The following GARNL3 variants were observed in gnomAD, a reference collection of about 807,000 sequenced individuals.
The protein encoded by GARNL3 is GTPase activating Rap/RanGAP domain like 3.
Under a neutral mutation model 125.0 loss-of-function variants are expected in GARNL3, and 63 were observed. The ratio of observed to expected loss-of-function variants is 0.50; its 90% CI spans 0.41 to 0.62. GARNL3 has a LOEUF of 0.62. GARNL3 is among the 20% of genes least tolerant of loss of function. The probability of loss-of-function intolerance (pLI) is 0.00; values close to 1 mark genes in which losing one functional copy is unlikely to be tolerated. For synonymous variants in GARNL3, 439 were observed against 457.5 expected (o/e 0.96, Z 0.52); for missense variants, 994 against 1,244.0 (o/e 0.80, Z 3.02).
intron 5 of GARNL3, among the ~76,000 whole-genome samples, chr9:127,318,915 G>A (rs2065315904): frequency 6.6e-6 from 1 of 152,156 alleles, no homozygotes; most frequent in African/African-American, 2.4e-5. Flanking sequence ...AGAAGTGAAG[G>A]GATCTGACAA....
At chr9:127,284,663 A>G (rs1240951034) in intron 1 of GARNL3, among the ~76,000 whole-genome samples, 1 of 151,986 alleles carries the variant, frequency 6.6e-6, no homozygotes, top group Non-Finnish European at 1.5e-5. Flanking sequence ...CTATCACATT[A>G]TGTGTTTTCA....
intron 22 of GARNL3, among the ~76,000 whole-genome samples, chr9:127,368,272 A>G (rs1366422542): frequency 6.6e-6 from 1 of 151,260 alleles, no homozygotes; most frequent in Non-Finnish European, 1.5e-5. Context: ...AGAGGACAGC[A>G]GTGGGACCAG....
At chr9:127,350,835 AAAC>A (rs1457557210) in intron 17 of GARNL3, among the ~76,000 whole-genome samples, 2 of 152,120 alleles carry the variant, frequency 1.3e-5, no homozygotes, top group African/African-American at 2.4e-5. Flanking sequence ...CAACAACAAC[AAAC>A]AAGAATGCAA....
intron 22 of GARNL3, chr9:127,367,189 G>C (rs1019062223): frequency 7.2e-5 from 11 of 152,158 alleles, no homozygotes; most frequent in African/African-American, 2.7e-4. Flanking sequence ...GGTCATCCAG[G>C]TCACTTCTCT....
chr9:127,314,561 C>G lies in GARNL3; in HGVS notation c.438+1002C>G, dbSNP rs2779713. Among the ~76,000 whole-genome samples, 8 of 151,136 alleles carry G rather than the reference C, an allele frequency of 5.3e-5. 1 individual carries two copies. The highest frequency in any genetic ancestry group is 1.2e-4 in the Non-Finnish European group (8 of 67,566). ...CTCCCTCCCCCTCCTTCACCCTCCCCCTCCCTCCCTCCCTCCAAGGCAGGA... is the reference window on the plus strand; with the variant it reads ...CTCCCTCCCCCTCCTTCACCCTCCCGCTCCCTCCCTCCCTCCAAGGCAGGA... On this transcript the variant is annotated intron_variant, in intron 4 of 27. Transcript: ENST00000373387.
chr9:127,362,270 G>A (rs1405539094), intron 21 of GARNL3: 1 of 151,418 alleles, frequency 6.6e-6, no homozygotes, highest in African/African-American at 2.4e-5. Context: ...GTAGAGACAG[G>A]GTTTTGCCAT....
intron 22 of GARNL3, among the ~76,000 whole-genome samples, chr9:127,378,963 A>G (rs371059377): frequency 1.3e-5 from 2 of 152,080 alleles, no homozygotes; most frequent in Non-Finnish European, 2.9e-5. Flanking sequence ...TTTTTAGTGG[A>G]GATGGGGTTT....
Position 127,248,630 on chromosome 9 carries a change from C to T in GARNL3, c.143+5381C>T, listed in dbSNP as rs561680468. On this transcript the variant is annotated intron_variant, in intron 2 of 10. Coordinates refer to the GARNL3 transcript ENST00000439286. ...TTTTTTTTTTTTTTTTTTGTTGAGA[C>T]AGGGTCTCACTCCATTGTCCAAGCT... Among the ~76,000 whole-genome samples, 4 of 86,576 alleles carry T rather than the reference C, an allele frequency of 4.6e-5. No homozygotes were observed. In the East Asian group the frequency reaches 1.4e-3, roughly 30 times the overall value. The allele number at this position is 86,576 out of a possible 152,430, so 56.8% of individuals were successfully genotyped here.
At chr9:127,326,442 GC>G (rs1390861359) in intron 7 of GARNL3, among the ~76,000 whole-genome samples, 1 of 152,100 alleles carries the variant, frequency 6.6e-6, no homozygotes, top group Non-Finnish European at 1.5e-5. Context: ...ATGCTATGAT[GC>G]CATTAGAAAA....
At chr9:127,295,031 GCTT>G (rs1354151311) in intron 2 of GARNL3, among the ~76,000 whole-genome samples, 1 of 152,216 alleles carries the variant, frequency 6.6e-6, no homozygotes, top group Admixed American at 6.5e-5. Flanking sequence ...TCTGAACAGT[GCTT>G]CTCAGACTGT....
intron 2 of GARNL3, 60 bp from the exon 3 acceptor site, chr9:127,311,576 C>A: frequency 8.6e-7 from 1 of 1,165,336 alleles, no homozygotes; most frequent in Non-Finnish European, 1.3e-6. Context: ...TGGTTCATTG[C>A]CAGGTTCATG....
rs774743426 is a variant in GARNL3, at chr9:127,365,344, T to C, written c.2139T>C (p.Ala713=). 1.7e-5 allele frequency: 28 copies of C among 1,613,796 alleles called. No homozygotes were observed. In the South Asian group the frequency reaches 2.5e-4, roughly 15 times the overall value. ...TTGATGTGTACGAAGATGGAGAAGCTGGTTTGCTGTTGTGTTACAACTGTA... is the reference window on the plus strand; with the variant it reads ...TTGATGTGTACGAAGATGGAGAAGCCGGTTTGCTGTTGTGTTACAACTGTA... ...AAIDVYEDGE[A]GLLLCYNYSC... is the part of the protein sequence containing the mutation. Residue 713 remains alanine (A), a synonymous_variant, in exon 22 of 28, where the codon GCT becomes GCC. Coordinates refer to ENST00000373387, the MANE Select transcript of GARNL3 (RefSeq NM_032293.5).
intron 6 of GARNL3, among the ~76,000 whole-genome samples, chr9:127,322,132 A>G (rs957880498): frequency 5.3e-5 from 8 of 152,226 alleles, no homozygotes; most frequent in Non-Finnish European, 1.2e-4. Context: ...TACAAGTGAT[A>G]CTTTATAGCA....
At chr9:127,249,629 G>A (rs901210565) in intron 2 of GARNL3, among the ~76,000 whole-genome samples, 7 of 152,282 alleles carry the variant, frequency 4.6e-5, no homozygotes, top group African/African-American at 1.7e-4. Flanking sequence ...ATGCATTGCA[G>A]CATCATTAGT....
intron 2 of GARNL3, among the ~76,000 whole-genome samples, chr9:127,295,878 C>T (rs922594236): frequency 6.6e-6 from 1 of 152,086 alleles, no homozygotes; most frequent in Non-Finnish European, 1.5e-5. Flanking sequence ...ACTTATTGTG[C>T]CCTTTACTTC....
chr9:127,243,051 A>G, intron 1 of GARNL3: 1 of 1,331,816 alleles, frequency 7.5e-7, no homozygotes, highest in South Asian at 1.2e-5. Flanking sequence ...TCTGTCTCTT[A>G]GTGCCTTTCC....
chr9:127,287,233 G>C (rs781110513), intron 1 of GARNL3, among the ~76,000 whole-genome samples: 1 of 152,158 alleles, frequency 6.6e-6, no homozygotes, highest in Non-Finnish European at 1.5e-5. Flanking sequence ...GGCAGCTGGA[G>C]CTCTGTACCA....
At chr9:127,340,514 C>T (rs906405568) in intron 13 of GARNL3, among the ~76,000 whole-genome samples, 3 of 152,048 alleles carry the variant, frequency 2.0e-5, no homozygotes, top group African/African-American at 7.2e-5. Flanking sequence ...GCTTTCCAGC[C>T]TCCTGCCAGG....
At chr9:127,388,016 T>C (rs1161172741) in intron 25 of GARNL3, among the ~76,000 whole-genome samples, 1 of 151,100 alleles carries the variant, frequency 6.6e-6, no homozygotes, top group Non-Finnish European at 1.5e-5. Flanking sequence ...CATGGTAACA[T>C]GTGCCTGTAG....
Sources: allele counts gnomAD v4.1 joint callset (sites outside exome capture counted in the v4.1 genomes callset), GRCh38; gene constraint gnomAD v4.1.1; transcripts MANE v1.5; gene names NCBI Gene and HGNC (gene_info 2026-07-23, HGNC 2026-07-21).